MAP3K15: variants seen among roughly 807,000 people sequenced by gnomAD.
The protein encoded by MAP3K15 is mitogen-activated protein kinase kinase kinase 15.
MAP3K15 carries 124 observed loss-of-function variants against 99.5 expected under a neutral mutation model. The ratio of observed to expected loss-of-function variants is 1.25; its 90% confidence interval spans 1.08 to 1.45. The LOEUF is 1.45. Ranked by LOEUF, MAP3K15 falls within the 40% of genes most tolerant of loss-of-function variation. The pLI is 0.00. For missense variants in MAP3K15, 1,242 were observed against 1,079.7 expected, an observed-to-expected ratio of 1.15 and a Z score of -2.11; for synonymous variants, 494 against 439.6, an observed-to-expected ratio of 1.12 and a Z score of -1.55.
chrX:19,373,742 C>T (rs768403872), intron 20 of MAP3K15, 47 bp from the exon 21 acceptor site: 28 of 1,154,018 alleles, frequency 2.4e-5, no homozygotes, highest in African/African-American at 5.3e-5. Context: ...CAGAGAGGGA[C>T]GGGGTGGAGC....
At chrX:19,488,747 G>T in intron 2 of MAP3K15, 81 bp downstream of exon 2, 1 of 971,046 alleles carries the variant, frequency 1.0e-6, no homozygotes, top group African/African-American at 1.9e-5. Context: ...CCAACTTCCT[G>T]TGCTACTGTG....
chrX:19,476,610 C>T (rs913329075), intron 3 of MAP3K15, among the ~76,000 whole-genome samples: 1 of 111,849 alleles, frequency 8.9e-6, no homozygotes, highest in South Asian at 3.7e-4. Flanking sequence ...CTTTTTAGAG[C>T]AACGCAAATA....
chrX:19,438,633 G>A (rs1275207202), intron 6 of MAP3K15, among the ~76,000 whole-genome samples: 1 of 111,760 alleles, frequency 8.9e-6, no homozygotes, highest in East Asian at 2.8e-4. Flanking sequence ...CAACCATCCT[G>A]TCTCCCTGGC....
At chrX:19,444,540 A>T (rs2063981758) in intron 6 of MAP3K15, among the ~76,000 whole-genome samples, 2 of 112,110 alleles carry the variant, frequency 1.8e-5, no homozygotes, top group African/African-American at 6.5e-5. Flanking sequence ...TTGAATAAAG[A>T]AATATCTCAA....
rs767449745 is a variant in MAP3K15 at position 19,490,714 on chromosome X, T to C, written c.362-1747A>G. On this transcript the variant is annotated intron_variant, in intron 1 of 28. Transcript: ENST00000338883. Reference sequence around the variant, plus strand: ...CAGTGAGCTGTGATCATGCCACTGCTCTCCAGCCTAAGTGACAGAGTAAGA... The same window carrying C: ...CAGTGAGCTGTGATCATGCCACTGCCCTCCAGCCTAAGTGACAGAGTAAGA... Among the ~76,000 whole-genome samples the C allele has an allele frequency of 3.3e-4, 35 of 105,592 alleles. 1 individual carries two copies. The highest frequency in any genetic ancestry group is 1.2e-4 in the Non-Finnish European group (6 of 51,535). The allele number at this position is 105,592 out of a possible 115,157, so 91.7% of individuals were successfully genotyped here. A position where few individuals can be genotyped will look rare whatever the true frequency, so the allele number is the denominator to read the frequency against.
intron 4 of MAP3K15, 87 bp from the exon 5 acceptor site, chrX:19,460,240 A>C: frequency 1.5e-6 from 1 of 653,023 alleles, no homozygotes; most frequent in South Asian, 3.9e-5. Flanking sequence ...CATTGACCTG[A>C]CTTAGGCTAA....
chrX:19,506,705 G>C (rs2064479865), intron 1 of MAP3K15, among the ~76,000 whole-genome samples: 2 of 110,179 alleles, frequency 1.8e-5, no homozygotes, highest in East Asian at 5.8e-4. Context: ...TGTATTTTTA[G>C]TAGAGACAGG....
At chrX:19,461,140 C>T (rs1049996309) in intron 4 of MAP3K15, among the ~76,000 whole-genome samples, 7 of 111,823 alleles carry the variant, frequency 6.3e-5, no homozygotes, top group Admixed American at 5.7e-4. Flanking sequence ...CCACCATGCC[C>T]AGTTAAATTT....
Position 19,501,108 on chromosome X carries a change from A to G in MAP3K15, c.362-12141T>C, listed in dbSNP as rs1277203333. ...TATGGACAAGCCAACAGCCAAATCC[A>G]ACAGAAGACAGCTGAGGTCCAGCCA... On this transcript the variant is annotated intron_variant, in intron 1 of 28. Coordinates refer to ENST00000338883, the MANE Select transcript of MAP3K15 (RefSeq NM_001001671.4). Among the ~76,000 whole-genome samples the G allele has an allele frequency of 7.2e-5, 8 of 111,509 alleles. No individual in the cohort carries two copies. In the Admixed American group the frequency reaches 7.7e-4, roughly 11 times the overall value.
At chrX:19,400,794 T>TC in intron 13 of MAP3K15, 131 bp from the exon 14 acceptor site, 1 of 443,927 alleles carries the variant, frequency 2.3e-6, no homozygotes, top group South Asian at 3.2e-5. Context: ...ATCGATCCCC[T>TC]CCTTGATTTG....
chrX:19,397,336 T>A (rs2063574183), intron 15 of MAP3K15, among the ~76,000 whole-genome samples: 1 of 112,427 alleles, frequency 8.9e-6, no homozygotes, highest in African/African-American at 3.2e-5. Context: ...ACTGCAAAAA[T>A]CTGATTTTTT....
chrX:19,502,503 A>G (rs920415364), intron 1 of MAP3K15, among the ~76,000 whole-genome samples: 3 of 111,395 alleles, frequency 2.7e-5, no homozygotes, highest in African/African-American at 9.8e-5. Context: ...CTCCCCAGCC[A>G]TGCTAAACTG....
chrX:19,407,728 T>C (rs2063657934), intron 12 of MAP3K15, among the ~76,000 whole-genome samples: 1 of 112,411 alleles, frequency 8.9e-6, no homozygotes, highest in Admixed American at 9.4e-5. Flanking sequence ...CATGGCACTG[T>C]AGCTCAAGAA....
chrX:19,422,255 G>T (rs1464868562), intron 9 of MAP3K15, among the ~76,000 whole-genome samples: 1 of 111,090 alleles, frequency 9.0e-6, no homozygotes, highest in African/African-American at 3.3e-5. Flanking sequence ...CCTACAGAAT[G>T]GGAGAAAATT....
intron 3 of MAP3K15, chrX:19,482,062 C>G (rs2064293591): frequency 9.3e-6 from 1 of 107,507 alleles, no homozygotes; most frequent in Non-Finnish European, 1.9e-5. Flanking sequence ...CGCCTATAAT[C>G]CCAGCTACTC....
At chrX:19,510,100 T>C (rs1602360985) in intron 1 of MAP3K15, among the ~76,000 whole-genome samples, 1 of 111,698 alleles carries the variant, frequency 9.0e-6, no homozygotes, top group African/African-American at 3.3e-5. Context: ...GAGGCAGTAA[T>C]AGCCTACCAA....
chrX:19,409,944 G>T lies in MAP3K15; in HGVS notation c.1728C>A (p.Ala576=). 1 of 1,204,828 alleles carries T rather than the reference G, an allele frequency of 8.3e-7. No homozygotes were observed. Among genetic ancestry groups the T allele is most frequent in the Non-Finnish European group, 1.1e-6 (1 of 889,841 alleles). ...MKQMHEWNFT[A]SSIKGISLSK... is the part of the protein sequence containing the mutation. ...CTTACCTTATTCCCTTTATGGAAGA[G>T]GCTGTAAAATTCCATTCGTGCATCT... The change falls in exon 12 of 29, where the codon GCC becomes GCA. Residue 576 remains alanine (A), a synonymous_variant. Coordinates refer to ENST00000338883, the MANE Select transcript of MAP3K15 (RefSeq NM_001001671.4).
At chrX:19,473,609 C>T (rs2064221698) in intron 3 of MAP3K15, among the ~76,000 whole-genome samples, 1 of 111,830 alleles carries the variant, frequency 8.9e-6, no homozygotes, top group African/African-American at 3.2e-5. Context: ...AAACACTCTC[C>T]AAATATTTCC....
rs1345467144 is a variant in MAP3K15 at position 19,479,747 on chromosome X, T to C, written c.525+6735A>G. On this transcript the variant is annotated intron_variant, in intron 3 of 28. Coordinates refer to ENST00000338883, the MANE Select transcript of MAP3K15 (RefSeq NM_001001671.4). Reference sequence around the variant, plus strand: ...TCTTTTACTTTCATAAAGACAGCCTTGATCTGTCACCATATAAACATGTTT... The same window carrying C: ...TCTTTTACTTTCATAAAGACAGCCTCGATCTGTCACCATATAAACATGTTT... Among the ~76,000 whole-genome samples, 2 of 112,293 alleles carry C rather than the reference T, an allele frequency of 1.8e-5. 1 individual carries two copies. Among genetic ancestry groups the C allele is most frequent in the Non-Finnish European group, 3.8e-5 (2 of 53,304 alleles).
Sources: gnomAD v4.1 joint callset for allele counts (sites outside exome capture counted in the v4.1 genomes callset) on GRCh38, gnomAD v4.1.1 for gene constraint, MANE v1.5 for transcripts, NCBI Gene and HGNC (gene_info 2026-07-23, HGNC 2026-07-21) for gene names.